Variants in CRADD observed in about 807,000 individuals in gnomAD.
CRADD encodes the protein death domain-containing protein CRADD.
Under a neutral mutation model 15.5 loss-of-function variants are expected in CRADD, and 9 were observed. The ratio of observed to expected loss-of-function variants is 0.58; its 90% CI spans 0.35 to 1.01. The LOEUF is 1.01. Among genes scored for constraint, CRADD ranks in the 50% least tolerant of loss-of-function variants. The pLI, the probability that CRADD is intolerant of heterozygous loss-of-function variation, is 0.02. For missense variants in CRADD, 227 were observed against 250.3 expected (o/e 0.91, Z 0.63); for synonymous variants, 118 against 107.6 (o/e 1.10, Z -0.60).
intron 2 of CRADD, among the ~76,000 whole-genome samples, chr12:93,711,843 C>T (rs1049972184): frequency 6.6e-6 from 1 of 152,082 alleles, no homozygotes; most frequent in African/African-American, 2.4e-5. Context: ...GCAACCTCCA[C>T]CTCCCCAGTT....
chr12:93,793,047 G>A (rs1312631957), intron 2 of CRADD, among the ~76,000 whole-genome samples: 1 of 152,044 alleles, frequency 6.6e-6, no homozygotes, highest in Admixed American at 6.6e-5. Flanking sequence ...TATACTCAGA[G>A]TTTAGCCAGA....
At chr12:93,784,183 G>T (rs775297671) in intron 2 of CRADD, among the ~76,000 whole-genome samples, 2 of 152,126 alleles carry the variant, frequency 1.3e-5, no homozygotes, top group African/African-American at 4.8e-5. Flanking sequence ...TTTCCTTCAA[G>T]AATCGAGGCG....
rs1328158963 is a variant in CRADD, at chr12:93,824,397, CACACACACACTCAT to C, written c.299-25563_299-25550del. 2.1e-5 allele frequency among the ~76,000 whole-genome samples: 3 copies of C among 141,392 alleles called. No individual in the cohort carries two copies. Among genetic ancestry groups the C allele is most frequent in the South Asian group, 2.3e-4 (1 of 4,326 alleles). 92.8% of individuals were successfully genotyped at this position (141,392 alleles called of 152,430 possible). On this transcript the variant is annotated intron_variant, in intron 2 of 2. Transcript: ENST00000332896. The surrounding 1 kb of genome is among the most constrained non-coding windows in gnomAD (Gnocchi z 4.3). The stretch of plus-strand genomic sequence containing the variant: ...AGCTGCTTCTGTGCTCTTTGGAAAA[CACACACACACTCAT>C]ACACACACATACACACACACACACA...
chr12:93,716,131 CA>C (rs200370450), intron 2 of CRADD, among the ~76,000 whole-genome samples: 4,234 of 87,556 alleles, frequency 0.048, 107 homozygotes, highest in East Asian at 0.13. Flanking sequence ...GACTCCACCT[CA>C]AAAAAAAAAA....
chr12:93,869,365 A>G (rs765236382), intron 2 of CRADD, among the ~76,000 whole-genome samples: 8 of 152,226 alleles, frequency 5.3e-5, no homozygotes, highest in Non-Finnish European at 1.2e-4. Flanking sequence ...TACAATAAAA[A>G]TTACCAGACA....
chr12:93,812,219 A>G (rs1039003923), intron 2 of CRADD, among the ~76,000 whole-genome samples: 4 of 152,222 alleles, frequency 2.6e-5, no homozygotes, highest in Admixed American at 2.6e-4. Context: ...ATAGAATGAT[A>G]CTAGAGAACA....
intron 2 of CRADD, among the ~76,000 whole-genome samples, chr12:93,753,031 A>G (rs1486968095): frequency 6.6e-6 from 1 of 152,096 alleles, no homozygotes; most frequent in Non-Finnish European, 1.5e-5. Flanking sequence ...CCGTAATTCA[A>G]CCACCTCCCA....
chr12:93,841,386 T>G (rs1302592255), intron 2 of CRADD, among the ~76,000 whole-genome samples: 1 of 152,184 alleles, frequency 6.6e-6, no homozygotes. Context: ...TGGAACAACT[T>G]ACATATGATA....
intron 2 of CRADD, among the ~76,000 whole-genome samples, chr12:93,687,338 T>C (rs1030166534): frequency 6.3e-4 from 96 of 152,216 alleles, no homozygotes; most frequent in African/African-American, 2.3e-3. Flanking sequence ...CATCAGACAC[T>C]GTATTGAACA....
intron 2 of CRADD, among the ~76,000 whole-genome samples, chr12:93,699,756 A>C (rs751059244): frequency 6.6e-6 from 1 of 152,172 alleles, no homozygotes; most frequent in East Asian, 1.9e-4. Flanking sequence ...TAGGTTCTCA[A>C]TCCCCTAAGG....
chr12:93,756,401 A>G (rs1352552594), intron 2 of CRADD, among the ~76,000 whole-genome samples: 2 of 152,226 alleles, frequency 1.3e-5, no homozygotes, highest in Non-Finnish European at 1.5e-5. Flanking sequence ...ACTAAAAGGA[A>G]TAAAATTTTG....
intron 2 of CRADD, among the ~76,000 whole-genome samples, chr12:93,838,705 T>G (rs1958011779): frequency 6.6e-6 from 1 of 152,130 alleles, no homozygotes; most frequent in Non-Finnish European, 1.5e-5. Flanking sequence ...TTCTGACTGA[T>G]ATGTATTCCT....
intron 1 of CRADD, chr12:93,677,743 C>T (rs2136781453): frequency 6.6e-6 from 1 of 152,414 alleles, no homozygotes; most frequent in African/African-American, 2.4e-5. Flanking sequence ...GAAGCAGAGC[C>T]TTTTTAAATA....
chr12:93,699,305 T>C lies in CRADD; in HGVS notation c.298+20233T>C, dbSNP rs375557869. Among the ~76,000 whole-genome samples the C allele has an allele frequency of 4.0e-4, 61 of 152,368 alleles. 1 individual carries two copies. The highest frequency in any genetic ancestry group is 1.4e-3 in the African/African-American group (59 of 41,594). On this transcript the variant is annotated intron_variant, in intron 2 of 2. Coordinates refer to ENST00000332896, the MANE Select transcript of CRADD (RefSeq NM_003805.5). Reference sequence around the variant, plus strand: ...GTCATACCAGGGCCATTGAAGCTTTTCTTTCATTTCTAAAATTGTACATAA... The same window carrying C: ...GTCATACCAGGGCCATTGAAGCTTTCCTTTCATTTCTAAAATTGTACATAA...
intron 2 of CRADD, among the ~76,000 whole-genome samples, chr12:93,723,958 G>A (rs1407277565): frequency 2.0e-5 from 3 of 152,198 alleles, no homozygotes; most frequent in African/African-American, 7.2e-5. Context: ...ACTGTCAGAT[G>A]AGGCTCTGGT....
Position 93,850,654 on chromosome 12 carries a change from T to C in CRADD, c.*383T>C. ...GCAGGTGTCTCATATGTAAAACATT[T>C]ACCTGAATGTTGTCTGAGGACTGAA... is the stretch of plus-strand genomic sequence containing the variant. On this transcript the variant is annotated 3_prime_UTR_variant, in exon 3 of 3. Coordinates refer to ENST00000332896, the MANE Select transcript of CRADD (RefSeq NM_003805.5). The surrounding 1 kb of genome is among the most constrained non-coding windows in gnomAD (Gnocchi z 4.0). 1.0e-6 allele frequency: 1 copy of C among 967,272 alleles called. No homozygotes were observed. Among genetic ancestry groups the C allele is most frequent in the Non-Finnish European group, 1.2e-6 (1 of 812,980 alleles). The allele number at this position is 967,272 out of a possible 1,614,324, so 59.9% of individuals were successfully genotyped here.
chr12:93,738,821 GAGAA>G (rs1409746143), intron 2 of CRADD, among the ~76,000 whole-genome samples: 3 of 141,666 alleles, frequency 2.1e-5, no homozygotes, highest in Non-Finnish European at 3.2e-5. Context: ...GAGAGGGAAG[GAGAA>G]AGAAAGAAGG....
At position 93,824,667 on chromosome 12, in the gene CRADD, TA is replaced by T. The variant is rs1957805175; in HGVS notation, c.299-25302del. On this transcript the variant is annotated intron_variant, in intron 2 of 2. Transcript: ENST00000332896. This position sits in a 1 kb window ranked among gnomAD's most constrained non-coding sequence, Gnocchi z 4.3. The stretch of plus-strand genomic sequence containing the variant: ...CATTATCCGAGCTGAAGCTGAAACC[TA>T]GCCTTCTGCCGAGTGGTATTCCTGA... 6.6e-6 allele frequency among the ~76,000 whole-genome samples: 1 copy of T among 152,216 alleles called. No homozygotes were observed. Among genetic ancestry groups the T allele is most frequent in the Non-Finnish European group, 1.5e-5 (1 of 68,028 alleles).
intron 2 of CRADD, among the ~76,000 whole-genome samples, chr12:93,691,471 C>T (rs908102167): frequency 4.6e-5 from 7 of 152,096 alleles, no homozygotes; most frequent in Non-Finnish European, 1.0e-4. Context: ...CCAGGCTGGT[C>T]TCGAACTCCT....
Sources: allele counts gnomAD v4.1 joint callset (sites outside exome capture counted in the v4.1 genomes callset), GRCh38; gene constraint gnomAD v4.1.1; non-coding constraint Gnocchi (gnomAD v3.1); transcripts MANE v1.5; gene names NCBI Gene and HGNC (gene_info 2026-07-23, HGNC 2026-07-21).